CLIC6: variants seen among roughly 807,000 people sequenced by gnomAD.
The protein encoded by CLIC6 is CLIC family member 6.
In CLIC6, 39 loss-of-function variants were observed where a neutral mutation model predicts 49.2. The ratio of observed to expected loss-of-function variants is 0.79; its 90% CI spans 0.61 to 1.04. The LOEUF (loss-of-function observed/expected upper bound fraction) is 1.04. CLIC6 is among the 50% of genes least tolerant of loss of function. The probability of loss-of-function intolerance (pLI) is 0.00; values close to 1 mark genes in which losing one functional copy is unlikely to be tolerated. For synonymous variants in CLIC6, 446 were observed against 433.4 expected (o/e 1.03, Z -0.36); for missense variants, 988 against 993.1 (o/e 0.99, Z 0.07).
chr21:34,708,307 G>A (rs1182771814), intron 3 of CLIC6, among the ~76,000 whole-genome samples: 2 of 152,202 alleles, frequency 1.3e-5, no homozygotes, highest in Non-Finnish European at 2.9e-5. Context: ...ATGGGTCCAG[G>A]GTGGGTGGTT....
intron 1 of CLIC6, among the ~76,000 whole-genome samples, chr21:34,676,780 A>C (rs948911441): frequency 2.0e-5 from 3 of 152,190 alleles, no homozygotes; most frequent in African/African-American, 7.2e-5. Flanking sequence ...GATAATGCCT[A>C]GTATAGATTC....
At chr21:34,673,310 G>A (rs1376240063) in intron 1 of CLIC6, among the ~76,000 whole-genome samples, 2 of 151,442 alleles carry the variant, frequency 1.3e-5, no homozygotes, top group African/African-American at 4.9e-5. Flanking sequence ...TTTTAATTGA[G>A]ACAGGTTCTT....
chr21:34,672,390 T>C (rs942875879), intron 1 of CLIC6, among the ~76,000 whole-genome samples: 2 of 152,252 alleles, frequency 1.3e-5, no homozygotes, highest in African/African-American at 4.8e-5. Context: ...AACTACTTAC[T>C]GTTCCTTGAG....
Position 34,669,789 on chromosome 21 carries a change from C to T in CLIC6, c.401C>T (p.Ala134Val), listed in dbSNP as rs1446779154. Reference protein sequence around the residue: ...EAQREPEDSAAPERQEEAEQR... With the variant: ...EAQREPEDSAVPERQEEAEQR... The stretch of plus-strand genomic sequence containing the variant: ...CAGAGGGAGCCCGAGGACTCTGCGG[C>T]CCCCGAGAGGCAGGAGGAGGCGGAG... The change falls in exon 1 of 6, where the codon GCC (alanine) becomes GTC (valine). Residue 134 changes from alanine to valine, a missense_variant. Around this residue, in one of 3 missense-constraint regions of CLIC6, gnomAD observed 284 missense variants for 278.6 expected, o/e 1.02. Coordinates refer to ENST00000349499, the MANE Select transcript of CLIC6 (RefSeq NM_053277.3). 2 of 1,421,626 alleles carry T rather than the reference C, an allele frequency of 1.4e-6. No homozygotes were observed. Among genetic ancestry groups the T allele is most frequent in the South Asian group, 1.5e-5 (1 of 68,276 alleles). 88.1% of individuals were successfully genotyped at this position (1,421,626 alleles called of 1,614,324 possible).
intron 1 of CLIC6, among the ~76,000 whole-genome samples, chr21:34,693,026 A>ATGTTT: frequency 6.6e-6 from 1 of 152,270 alleles, no homozygotes; most frequent in African/African-American, 2.4e-5. Context: ...TAATTTACCA[A>ATGTTT]TCGTAAATTG....
chr21:34,671,402 A>G (rs1989565701), intron 1 of CLIC6, among the ~76,000 whole-genome samples: 1 of 152,286 alleles, frequency 6.6e-6, no homozygotes. Context: ...TTTAACATTG[A>G]ATTTGGAAGA....
intron 1 of CLIC6, among the ~76,000 whole-genome samples, chr21:34,671,605 G>A (rs1229337115): frequency 1.3e-5 from 2 of 152,268 alleles, no homozygotes; most frequent in African/African-American, 4.8e-5. Flanking sequence ...TTCACACCAG[G>A]ATCTTTGTTT....
At chr21:34,712,705 G>A (rs2056064538) in intron 5 of CLIC6, among the ~76,000 whole-genome samples, 1 of 152,330 alleles carries the variant, frequency 6.6e-6, no homozygotes, top group South Asian at 2.1e-4. Context: ...GGAAAGGAGG[G>A]AAGTGGCATT....
rs1232092120 is a variant in CLIC6, at chr21:34,690,273, A to G, written c.1375-17007A>G. ...GGCCAGTGCTGTCACCCCACAGCAC[A>G]GCCAAGTTATCATCACATGACATTT... On this transcript the variant is annotated intron_variant, in intron 1 of 5. Coordinates refer to ENST00000349499, the MANE Select transcript of CLIC6 (RefSeq NM_053277.3). Among the ~76,000 whole-genome samples the G allele has an allele frequency of 2.0e-5, 3 of 152,342 alleles. No homozygotes were observed. The East Asian group carries it at 5.8e-4, about 29-fold the overall frequency.
Position 34,704,186 on chromosome 21 carries a change from C to T in CLIC6, c.1375-3094C>T, listed in dbSNP as rs188808499. Among the ~76,000 whole-genome samples the T allele has an allele frequency of 2.0e-5, 3 of 152,248 alleles. No homozygotes were observed. The East Asian group carries it at 5.8e-4, about 29-fold the overall frequency. ...TCCCTCGGAATATATGTCTTTATCC[C>T]ATCATCTTGTCGGGCTAATGAATAT... is the stretch of plus-strand genomic sequence containing the variant. On this transcript the variant is annotated intron_variant, in intron 1 of 5. Transcript: ENST00000349499.
intron 1 of CLIC6, among the ~76,000 whole-genome samples, chr21:34,688,732 G>T (rs2145805922): frequency 6.6e-6 from 1 of 152,306 alleles, no homozygotes; most frequent in East Asian, 1.9e-4. Flanking sequence ...TCAGTGGTGG[G>T]TCTCATGACT....
At chr21:34,712,847 G>GCCCTAACCCTAACCCTAA (rs60327192) in intron 5 of CLIC6, among the ~76,000 whole-genome samples, 30 of 149,800 alleles carry the variant, frequency 2.0e-4, no homozygotes, top group African/African-American at 6.2e-4. Context: ...AGTGGAGGAT[G>GCCCTAACCCTAACCCTAA]CCCTAACCCT....
At chr21:34,685,419 A>G (rs1989858715) in intron 1 of CLIC6, among the ~76,000 whole-genome samples, 1 of 152,232 alleles carries the variant, frequency 6.6e-6, no homozygotes. Context: ...ATTGGTCTGG[A>G]GATCCAGTGA....
At chr21:34,700,242 T>C (rs1568966671) in intron 1 of CLIC6, among the ~76,000 whole-genome samples, 2 of 151,280 alleles carry the variant, frequency 1.3e-5, no homozygotes, top group African/African-American at 4.9e-5. Flanking sequence ...GGTCAGGAGA[T>C]AGAGACCATC....
chr21:34,694,131 G>A (rs1195117458), intron 1 of CLIC6, among the ~76,000 whole-genome samples: 4 of 119,310 alleles, frequency 3.4e-5, no homozygotes, highest in Non-Finnish European at 6.7e-5. Flanking sequence ...ACCACGCCTG[G>A]TTAATTTTTT....
chr21:34,682,859 T>A (rs1403594428), intron 1 of CLIC6, among the ~76,000 whole-genome samples: 1 of 137,574 alleles, frequency 7.3e-6, no homozygotes, highest in Non-Finnish European at 1.5e-5. Flanking sequence ...TCTCCCAGGT[T>A]GGAGTGCGGT....
chr21:34,687,783 A>G (rs1402491826), intron 1 of CLIC6, among the ~76,000 whole-genome samples: 4 of 152,204 alleles, frequency 2.6e-5, no homozygotes. Context: ...GTTTACACCT[A>G]TGTTTGAAAG....
chr21:34,670,909 A>G, intron 1 of CLIC6, 147 bp downstream of exon 1: 1 of 944,906 alleles, frequency 1.1e-6, no homozygotes. Context: ...GGTAGGCGGG[A>G]CAGCCGGGAT....
chr21:34,704,217 A>G (rs990072822), intron 1 of CLIC6, among the ~76,000 whole-genome samples: 1 of 152,200 alleles, frequency 6.6e-6, no homozygotes, highest in Non-Finnish European at 1.5e-5. Context: ...AATATGACCA[A>G]GGCCATCCTC....
Sources: allele counts gnomAD v4.1 joint callset (sites outside exome capture counted in the v4.1 genomes callset), GRCh38; gene constraint gnomAD v4.1.1; regional missense constraint gnomAD v4.1.1; transcripts MANE v1.5; gene names NCBI Gene and HGNC (gene_info 2026-07-23, HGNC 2026-07-21).